Variants in POU2F2 observed in about 807,000 individuals in gnomAD.
POU2F2 encodes the protein POU class 2 homeobox 2, also known as POU domain, class 2, transcription factor 2.
Under a neutral mutation model 63.5 loss-of-function variants are expected in POU2F2, and 14 were observed. The ratio of observed to expected loss-of-function variants is 0.22; its 90% CI spans 0.15 to 0.34. The LOEUF is 0.34. Ranked by LOEUF, POU2F2 falls within the 10% of genes least tolerant of loss-of-function variation. The pLI is 1.00. For missense variants in POU2F2, 607 were observed against 815.2 expected (o/e 0.74, Z 3.11); for synonymous variants, 306 against 348.6 (o/e 0.88, Z 1.36).
intron 1 of POU2F2, among the ~76,000 whole-genome samples, chr19:42,172,776 C>T (rs534115144): frequency 3.3e-5 from 5 of 152,184 alleles, no homozygotes; most frequent in Non-Finnish European, 7.3e-5. Flanking sequence ...ATCCTTAGAG[C>T]CCTCACTGAA....
Position 42,122,687 on chromosome 19 carries a change from C to A in POU2F2, c.29-111G>T, listed in dbSNP as rs2032788718. The A allele has an allele frequency of 1.4e-5, 14 of 977,766 alleles. No individual in the cohort carries two copies. In the South Asian group the frequency reaches 2.5e-4, roughly 18 times the overall value. The allele number at this position is 977,766 out of a possible 1,614,324, so 60.6% of individuals were successfully genotyped here. On this transcript the variant is annotated intron_variant, in intron 1 of 14. Transcript: ENST00000692977. ...CCTTTCCCCCAAATTCCCCCCTTAC[C>A]CCCAGCCACCTTGGAAGTGTCTCTT...
Position 42,092,836 on chromosome 19 carries a change from T to G in POU2F2, c.1265-566A>C, listed in dbSNP as rs571935838. Among the ~76,000 whole-genome samples, 1 of 151,824 alleles carries G rather than the reference T, an allele frequency of 6.6e-6. No individual in the cohort carries two copies. The highest frequency in any genetic ancestry group is 6.6e-5 in the Admixed American group (1 of 15,254). On this transcript the variant is annotated intron_variant, in intron 12 of 14. Coordinates refer to ENST00000692977, the MANE Select transcript of POU2F2 (RefSeq NM_001394376.1). The surrounding 1 kb of genome is among the most constrained non-coding windows in gnomAD (Gnocchi z 5.0). ...TGAGAATTAAGTCAGTCAATGCAGT[T>G]TAGAAAGAGTTTAGTACAGTGCCAG...
At chr19:42,144,985 T>C (rs2034201587) in intron 2 of POU2F2, among the ~76,000 whole-genome samples, 1 of 152,232 alleles carries the variant, frequency 6.6e-6, no homozygotes. Flanking sequence ...GTCACATAAA[T>C]AGGTAGTTAA....
Position 42,122,335 on chromosome 19 carries a change from C to T in POU2F2, c.129+9G>A, listed in dbSNP as rs1468277333. 1 of 1,610,876 alleles carries T rather than the reference C, an allele frequency of 6.2e-7. No individual in the cohort carries two copies. The highest frequency in any genetic ancestry group is 1.1e-5 in the South Asian group (1 of 90,924). On this transcript the variant is annotated intron_variant, in intron 3 of 14. Coordinates refer to ENST00000692977, the MANE Select transcript of POU2F2 (RefSeq NM_001394376.1). ...CCCACCCCCTCCCGCTTATCCACTC[C>T]CTCCTAACCTGATGATTAGTGTCTG...
At chr19:42,172,450 T>C (rs2034788672) in intron 1 of POU2F2, among the ~76,000 whole-genome samples, 1 of 152,152 alleles carries the variant, frequency 6.6e-6, no homozygotes, top group African/African-American at 2.4e-5. Context: ...TAAATACCTA[T>C]TGAATGCAGG....
chr19:42,162,749 G>A lies in POU2F2; in HGVS notation c.-69-2357C>T, dbSNP rs950611670. Among the ~76,000 whole-genome samples the A allele has an allele frequency of 3.3e-5, 5 of 152,136 alleles. No individual in the cohort carries two copies. Among genetic ancestry groups the A allele is most frequent in the South Asian group, 2.1e-4 (1 of 4,820 alleles). On this transcript the variant is annotated intron_variant, in intron 1 of 6. Transcript: ENST00000524801. The surrounding 1 kb of genome is among the most constrained non-coding windows in gnomAD (Gnocchi z 4.1). ...CAGGGCCTGGCTCCTTTGGGGGTCC[G>A]AAGCATTGCCCAGCACAGGGAATGA...
intron 5 of POU2F2, among the ~76,000 whole-genome samples, chr19:42,105,401 G>C (rs907245418): frequency 6.6e-6 from 1 of 152,016 alleles, no homozygotes; most frequent in South Asian, 2.1e-4. Flanking sequence ...CCACTGAATT[G>C]AATCTAATGA....
Position 42,169,762 on chromosome 19 carries a change from G to A in POU2F2, c.-70+6201C>T, listed in dbSNP as rs2034722402. Among the ~76,000 whole-genome samples the A allele has an allele frequency of 6.6e-6, 1 of 152,100 alleles. No homozygotes were observed. Among genetic ancestry groups the A allele is most frequent in the Non-Finnish European group, 1.5e-5 (1 of 68,006 alleles). On this transcript the variant is annotated intron_variant, in intron 1 of 6. Transcript: ENST00000524801. The surrounding 1 kb of genome is among the most constrained non-coding windows in gnomAD (Gnocchi z 4.3). ...CGCGCACACGTGTGTGTGTGCGTGT[G>A]TGTGTGTGTCGGGGTGATATAAACA...
rs1453151373 is a variant in POU2F2 at position 42,092,233 on chromosome 19, G to A, written c.1302C>T (p.Pro434=). The A allele has an allele frequency of 3.8e-6, 6 of 1,566,936 alleles. No individual in the cohort carries two copies. Among genetic ancestry groups the A allele is most frequent in the Non-Finnish European group, 5.2e-6 (6 of 1,155,508 alleles). The change falls in exon 13 of 15, where the codon CCC becomes CCT. Residue 434 remains proline, a synonymous_variant. Transcript: ENST00000692977. The surrounding 1 kb of genome is among the most constrained non-coding windows in gnomAD (Gnocchi z 5.0). Reference sequence around the variant, plus strand: ...CCCCACCCCCTCCAGCTGTCCGGCTGGGGTGGAGCGTCCCCACAGCTGAGG... The same window carrying A: ...CCCCACCCCCTCCAGCTGTCCGGCTAGGGTGGAGCGTCCCCACAGCTGAGG... The part of the protein sequence containing the change: ...TLSSAVGTLH[P]SRTAGGGGGG...
chr19:42,101,914 T>G (rs1369463076), intron 5 of POU2F2, among the ~76,000 whole-genome samples: 2 of 151,090 alleles, frequency 1.3e-5, no homozygotes, highest in Non-Finnish European at 3.0e-5. Flanking sequence ...GAGGCGGAGG[T>G]TGCAGTGAGT....
chr19:42,106,809 G>C (rs1300073564), intron 5 of POU2F2, among the ~76,000 whole-genome samples: 1 of 149,734 alleles, frequency 6.7e-6, no homozygotes, highest in Non-Finnish European at 1.5e-5. Flanking sequence ...GGAGGAAGAG[G>C]AGGAGGAGGA....
chr19:42,159,499 TA>T (rs1234866515), intron 2 of POU2F2, among the ~76,000 whole-genome samples: 1 of 152,092 alleles, frequency 6.6e-6, no homozygotes, highest in East Asian at 1.9e-4. Flanking sequence ...CTGGTGGGAA[TA>T]GGGGTGGCAG....
intron 2 of POU2F2, among the ~76,000 whole-genome samples, chr19:42,145,200 T>C (rs2034205975): frequency 6.6e-6 from 1 of 152,262 alleles, no homozygotes; most frequent in Non-Finnish European, 1.5e-5. Context: ...TGGCATTTTA[T>C]TGTTGTCATT....
In POU2F2 at chr19:42,093,894, A is replaced by G; in HGVS notation, c.1199T>C (p.Val400Ala). The G allele has an allele frequency of 6.2e-7, 1 of 1,608,708 alleles. No homozygotes were observed. The highest frequency in any genetic ancestry group is 1.7e-5 in the Admixed American group (1 of 59,782). The change falls in exon 12 of 15, where the codon GTC (valine) becomes GCC (alanine). Residue 400 changes from valine (V) to alanine (A), a missense_variant and splice_region_variant. Val to Ala is a moderately conservative substitution (Grantham distance 64). This residue lies in a region of POU2F2 where 270 missense variants were observed against 307.5 expected (regional missense o/e 0.88). Coordinates refer to ENST00000692977, the MANE Select transcript of POU2F2 (RefSeq NM_001394376.1). ...GGTCCCCGCGCCCCCTTGGGGTGTG[A>G]CCTGAGGAGAGAAGAAAGGAGGTGT... Reference protein sequence around the residue: ...GKPASYSPHMVTPQGGAGTLP... With the variant: ...GKPASYSPHMATPQGGAGTLP...
chr19:42,119,184 A>C (rs1192085477), intron 4 of POU2F2, among the ~76,000 whole-genome samples: 1 of 151,666 alleles, frequency 6.6e-6, no homozygotes, highest in Non-Finnish European at 1.5e-5. Context: ...ATGCAGCATG[A>C]AATGACACTG....
chr19:42,097,495 C>CTTTT (rs565786464), intron 7 of POU2F2, among the ~76,000 whole-genome samples: 1 of 136,352 alleles, frequency 7.3e-6, no homozygotes. Flanking sequence ...TGCGCCCTGC[C>CTTTT]TTTTTTTTTT....
At chr19:42,151,137 G>A (rs1339975550) in intron 2 of POU2F2, among the ~76,000 whole-genome samples, 2 of 152,242 alleles carry the variant, frequency 1.3e-5, no homozygotes, top group Admixed American at 1.3e-4. Flanking sequence ...GAGCCCCTGG[G>A]GACCCAGATG....
chr19:42,129,211 A>G (rs1751256329), intron 1 of POU2F2, among the ~76,000 whole-genome samples: 1 of 152,072 alleles, frequency 6.6e-6, no homozygotes, highest in Admixed American at 6.6e-5. Flanking sequence ...CACACAAAAG[A>G]TTGGTTGGTT....
At chr19:42,093,224 G>C (rs1011703895) in intron 12 of POU2F2, among the ~76,000 whole-genome samples, 2 of 151,400 alleles carry the variant, frequency 1.3e-5, no homozygotes, top group African/African-American at 4.9e-5. Flanking sequence ...TGGCCAGGCT[G>C]GTCTCGAACT....
Sources: gnomAD v4.1 joint callset for allele counts (sites outside exome capture counted in the v4.1 genomes callset) on GRCh38, gnomAD v4.1.1 for gene constraint, gnomAD v4.1.1 regional missense constraint, Gnocchi (gnomAD v3.1) non-coding constraint, MANE v1.5 for transcripts, NCBI Gene and HGNC (gene_info 2026-07-23, HGNC 2026-07-21) for gene names.